ADCK1: variants seen among roughly 807,000 people sequenced by gnomAD.
The protein encoded by ADCK1 is aarF domain-containing protein kinase 1.
ADCK1 carries 41 observed loss-of-function variants against 52.3 expected under a neutral mutation model. That is an observed-to-expected ratio of 0.78 (90% CI 0.61 to 1.02). The LOEUF is 1.02. Ranked by LOEUF, ADCK1 falls within the 50% of genes least tolerant of loss-of-function variation. ADCK1 has a pLI of 0.00. For missense variants in ADCK1, 658 were observed against 679.5 expected (o/e 0.97, Z 0.35); for synonymous variants, 250 against 274.6 (o/e 0.91, Z 0.89).
intron 7 of ADCK1, among the ~76,000 whole-genome samples, chr14:77,913,888 C>A (rs1477708736): frequency 1.3e-5 from 2 of 151,336 alleles, no homozygotes; most frequent in Admixed American, 6.6e-5. Flanking sequence ...CCTCAGTGGT[C>A]ATTATGTGGA....
At chr14:77,821,881 C>A (rs1422401358) in intron 2 of ADCK1, among the ~76,000 whole-genome samples, 1 of 97,962 alleles carries the variant, frequency 1.0e-5, no homozygotes, top group Non-Finnish European at 2.0e-5. Flanking sequence ...CAGAGCAAGA[C>A]TCTGTCTCAG....
Position 77,859,296 on chromosome 14 carries a change from G to T in ADCK1, c.423+17G>T. The T allele has an allele frequency of 1.2e-6, 2 of 1,609,888 alleles. No individual in the cohort carries two copies. The highest frequency in any genetic ancestry group is 1.7e-6 in the Non-Finnish European group (2 of 1,177,738). ...GGCAAGGAGGTACCCACCTTTGCAGGGGGGATGGGCCTTGGTTGGGATGCT... is the reference window on the plus strand; with the variant it reads ...GGCAAGGAGGTACCCACCTTTGCAGTGGGGATGGGCCTTGGTTGGGATGCT... On this transcript the variant is annotated intron_variant, in intron 4 of 10. Coordinates refer to ENST00000238561, the MANE Select transcript of ADCK1 (RefSeq NM_020421.4).
At chr14:77,916,616 A>C (rs2083931234) in intron 7 of ADCK1, among the ~76,000 whole-genome samples, 3 of 152,082 alleles carry the variant, frequency 2.0e-5, no homozygotes, top group Admixed American at 2.0e-4. Flanking sequence ...CACCGTGCCT[A>C]GATAATTTTT....
chr14:77,885,284 G>A (rs902352085), intron 4 of ADCK1, among the ~76,000 whole-genome samples: 1 of 152,334 alleles, frequency 6.6e-6, no homozygotes, highest in South Asian at 2.1e-4. Flanking sequence ...TAGAATTCAC[G>A]AAGGAGGAGA....
intron 1 of ADCK1, among the ~76,000 whole-genome samples, chr14:77,804,471 C>T (rs1242740286): frequency 5.9e-5 from 9 of 152,090 alleles, no homozygotes; most frequent in East Asian, 1.9e-4. Context: ...AACAGGGTTT[C>T]GAGAGTTGTG....
intron 1 of ADCK1, among the ~76,000 whole-genome samples, chr14:77,814,895 ATT>A (rs35317275): frequency 1.4e-5 from 2 of 144,980 alleles, no homozygotes; most frequent in African/African-American, 2.5e-5. Context: ...TTAAAAAAAA[ATT>A]TTTTTTTTTT....
chr14:77,925,970 C>T lies in ADCK1; in HGVS notation c.1206+9C>T. ...CCGTCACTGCCACTGAGGTAGGGGG[C>T]CCCTCCAGGCCCTGCCTCTTCCTAA... On this transcript the variant is annotated intron_variant, in intron 9 of 10. Coordinates refer to ENST00000238561, the MANE Select transcript of ADCK1 (RefSeq NM_020421.4). 1.2e-6 allele frequency: 2 copies of T among 1,613,530 alleles called. No homozygotes were observed. Among genetic ancestry groups the T allele is most frequent in the Non-Finnish European group, 1.7e-6 (2 of 1,180,022 alleles).
At chr14:77,876,535 T>C (rs865967078) in intron 4 of ADCK1, among the ~76,000 whole-genome samples, 5 of 152,116 alleles carry the variant, frequency 3.3e-5, no homozygotes, top group Non-Finnish European at 7.4e-5. Context: ...CCTACCACAG[T>C]GTCAGATAAT....
At chr14:77,810,408 C>T (rs1338039287) in intron 1 of ADCK1, among the ~76,000 whole-genome samples, 2 of 152,138 alleles carry the variant, frequency 1.3e-5, no homozygotes, top group Non-Finnish European at 2.9e-5. Flanking sequence ...AGCCACCACG[C>T]CTGGCCAGTT....
At chr14:77,844,361 G>A (rs1204090976) in intron 3 of ADCK1, among the ~76,000 whole-genome samples, 1 of 152,136 alleles carries the variant, frequency 6.6e-6, no homozygotes, top group East Asian at 1.9e-4. Context: ...GATTACAGAT[G>A]TGAGCCACCA....
chr14:77,907,072 C>T (rs532906768), intron 6 of ADCK1, among the ~76,000 whole-genome samples: 2 of 152,184 alleles, frequency 1.3e-5, no homozygotes, highest in Non-Finnish European at 2.9e-5. Flanking sequence ...CACCACTATG[C>T]CTGGCTAATT....
chr14:77,855,468 G>T (rs140921987), intron 3 of ADCK1, among the ~76,000 whole-genome samples: 191 of 152,330 alleles, frequency 1.3e-3, no homozygotes, highest in Non-Finnish European at 2.1e-3. Context: ...GAAGTCCTGT[G>T]TTCTTAACTG....
chr14:77,928,981 G>A (rs777376864), intron 9 of ADCK1, among the ~76,000 whole-genome samples: 1 of 152,170 alleles, frequency 6.6e-6, no homozygotes, highest in African/African-American at 2.4e-5. Context: ...CAAAGACCCC[G>A]TCTTGTATAT....
intron 4 of ADCK1, among the ~76,000 whole-genome samples, chr14:77,873,127 C>T (rs1425917642): frequency 6.6e-6 from 1 of 152,208 alleles, no homozygotes; most frequent in Non-Finnish European, 1.5e-5. Context: ...AATAAGTAGT[C>T]TCTTATCCCT....
At chr14:77,897,150 T>C (rs1338537840) in intron 5 of ADCK1, among the ~76,000 whole-genome samples, 2 of 152,218 alleles carry the variant, frequency 1.3e-5, no homozygotes, top group Non-Finnish European at 2.9e-5. Context: ...TTAGTTCTTA[T>C]TGCCATCTGC....
chr14:77,834,452 G>A (rs2081920406), intron 3 of ADCK1, among the ~76,000 whole-genome samples: 1 of 152,096 alleles, frequency 6.6e-6, no homozygotes, highest in Admixed American at 6.6e-5. Context: ...TGCTGTTTTT[G>A]GCTACTCTCT....
intron 1 of ADCK1, among the ~76,000 whole-genome samples, chr14:77,815,520 A>ATTTT (rs371572865): frequency 7.6e-6 from 1 of 131,118 alleles, no homozygotes; most frequent in Non-Finnish European, 1.6e-5. Flanking sequence ...AGGCACCTGC[A>ATTTT]TTTTTTTTTT....
chr14:77,878,575 G>C (rs1405522177), intron 4 of ADCK1, among the ~76,000 whole-genome samples: 1 of 152,202 alleles, frequency 6.6e-6, no homozygotes, highest in Non-Finnish European at 1.5e-5. Flanking sequence ...CTGTGGTGGG[G>C]CATAAGCACT....
chr14:77,828,014 G>C (rs2081755632), intron 3 of ADCK1: 1 of 287,506 alleles, frequency 3.5e-6, no homozygotes, highest in Non-Finnish European at 6.8e-6. Context: ...GTTTTTAGTA[G>C]AGACAGGGTT....
Sources: gnomAD v4.1 joint callset for allele counts (sites outside exome capture counted in the v4.1 genomes callset) on GRCh38, gnomAD v4.1.1 for gene constraint, MANE v1.5 for transcripts, NCBI Gene and HGNC (gene_info 2026-07-23, HGNC 2026-07-21) for gene names.